SNED1: variants seen among roughly 807,000 people sequenced by gnomAD.
SNED1 encodes the protein sushi, nidogen and EGF like domains 1.
A neutral mutation model predicts 166.7 loss-of-function variants in SNED1; 81 were observed. The observed-to-expected ratio is 0.49, with a 90% confidence interval of 0.41 to 0.58. The LOEUF (loss-of-function observed/expected upper bound fraction) is 0.58. Ranked by LOEUF, SNED1 falls within the 20% of genes least tolerant of loss-of-function variation. The pLI, the probability that SNED1 is intolerant of heterozygous loss-of-function variation, is 0.00. For synonymous variants in SNED1, 762 were observed against 822.0 expected (o/e 0.93, Z 1.25); for missense variants, 1,604 against 2,000.2 (o/e 0.80, Z 3.78).
chr2:241,037,361 G>C lies in SNED1; in HGVS notation c.1045+8G>C. On this transcript the variant is annotated splice_region_variant and intron_variant, in intron 6 of 31. Coordinates refer to ENST00000310397, the MANE Select transcript of SNED1 (RefSeq NM_001080437.3). ...GACCCACCTGTGAGACAGGTAAGAG[G>C]AACCCACCGGGGCCCACGGGGCCCT... The C allele has an allele frequency of 6.3e-7, 1 of 1,586,978 alleles. No homozygotes were observed. Among genetic ancestry groups the C allele is most frequent in the Non-Finnish European group, 8.6e-7 (1 of 1,162,774 alleles).
intron 1 of SNED1, among the ~76,000 whole-genome samples, chr2:241,017,636 C>T (rs1367662849): frequency 2.0e-5 from 3 of 152,240 alleles, no homozygotes; most frequent in African/African-American, 7.2e-5. Flanking sequence ...CTTGGCCAAA[C>T]TCAAATGTTC....
rs200538396 is a variant in SNED1 at position 241,036,849 on chromosome 2, G to C, written c.865G>C (p.Val289Leu). 3 of 1,611,654 alleles carry C rather than the reference G, an allele frequency of 1.9e-6. No homozygotes were observed. Among genetic ancestry groups the C allele is most frequent in the African/African-American group, 1.3e-5 (1 of 75,038 alleles). ...LNGGKCIDDC[V>L]TGNPSYTCSC... ...CGGCGGCAAGTGCATCGACGACTGC[G>C]TCACGGGCAACCCCTCCTACACCTG... is the stretch of plus-strand genomic sequence containing the variant. Residue 289 changes from valine (V) to leucine (L), a missense_variant, in exon 5 of 32, where the codon GTC becomes CTC. Val to Leu is a conservative substitution (Grantham distance 32, BLOSUM62 1). Around this residue, in one of 2 missense-constraint regions of SNED1, gnomAD observed 1,237 missense variants for 1,620.8 expected, o/e 0.76. Transcript: ENST00000310397.
chr2:241,087,370 C>T, intron 29 of SNED1, 22 bp from the exon 30 acceptor site: 1 of 1,575,612 alleles, frequency 6.3e-7, no homozygotes, highest in East Asian at 2.3e-5. Flanking sequence ...TCTGGTTTTA[C>T]AAAGCTTTCT....
At chr2:241,088,950 C>T (rs1484846093) in intron 31 of SNED1, 2 of 222,344 alleles carry the variant, frequency 9.0e-6, no homozygotes, top group Non-Finnish European at 1.8e-5. Context: ...GCTAGAAAGT[C>T]GTCACTGACA....
In SNED1 at chr2:240,999,098, C is replaced by G; in HGVS notation, c.213+48C>G. The G allele has an allele frequency of 8.8e-7, 1 of 1,131,982 alleles. No individual in the cohort carries two copies. 70.1% of individuals were successfully genotyped at this position (1,131,982 alleles called of 1,614,324 possible). ...GGGCGCCCGGGAGGGGAGGGAGCTG[C>G]GCCCCGGCCGCTGCCCGCCGGGCCC... On this transcript the variant is annotated intron_variant, in intron 1 of 31. Coordinates refer to ENST00000310397, the MANE Select transcript of SNED1 (RefSeq NM_001080437.3). The surrounding 1 kb of genome is among the most constrained non-coding windows in gnomAD (Gnocchi z 5.8).
At position 241,092,056 on chromosome 2, in the gene SNED1, C is replaced by A. The variant is rs1351453510; in HGVS notation, c.*420C>A. ...AGAGAAAGAATTCTCCCTTCGAGGC[C>A]CAACAAATTGAGAAGGAACTGTGAT... On this transcript the variant is annotated 3_prime_UTR_variant, in exon 32 of 32. Transcript: ENST00000310397. This position sits in a 1 kb window ranked among gnomAD's most constrained non-coding sequence, Gnocchi z 4.6. 1 of 152,224 alleles carries A rather than the reference C, an allele frequency of 6.6e-6. No homozygotes were observed. The highest frequency in any genetic ancestry group is 2.4e-5 in the African/African-American group (1 of 41,426). 9.4% of individuals were successfully genotyped at this position (152,224 alleles called of 1,614,324 possible).
At chr2:241,072,745 C>T (rs1350124460) in intron 26 of SNED1, 1 of 193,600 alleles carries the variant, frequency 5.2e-6, no homozygotes, top group African/African-American at 2.4e-5. Flanking sequence ...ATCTGGAGTA[C>T]AGAGGGGGGC....
chr2:240,999,948 G>A lies in SNED1; in HGVS notation c.213+898G>A, dbSNP rs565513139. ...CTCAAGTAGAGTCCCCTCCAGCTCC[G>A]TCACCACGGCCACCTCCACCATCAG... is the stretch of plus-strand genomic sequence containing the variant. On this transcript the variant is annotated intron_variant, in intron 1 of 31. Transcript: ENST00000310397. The surrounding 1 kb of genome is among the most constrained non-coding windows in gnomAD (Gnocchi z 5.8). Among the ~76,000 whole-genome samples the A allele has an allele frequency of 2.8e-4, 42 of 152,208 alleles. No individual in the cohort carries two copies. Among genetic ancestry groups the A allele is most frequent in the African/African-American group, 7.9e-4 (33 of 41,528 alleles).
At chr2:241,003,491 T>C (rs114892754) in intron 1 of SNED1, among the ~76,000 whole-genome samples, 2,613 of 152,340 alleles carry the variant, frequency 0.017, 84 homozygotes, top group African/African-American at 0.06. Context: ...CTGCACCGTG[T>C]GTTCCCCAAA....
chr2:241,039,981 G>A (rs2061478748), intron 6 of SNED1, 94 bp from the exon 7 acceptor site: 3 of 994,606 alleles, frequency 3.0e-6, no homozygotes, highest in African/African-American at 3.2e-5. Flanking sequence ...TAAGCCAGTT[G>A]GGGGTGGGGC....
intron 4 of SNED1, among the ~76,000 whole-genome samples, chr2:241,035,294 G>A (rs1033489714): frequency 2.0e-5 from 3 of 152,114 alleles, no homozygotes; most frequent in Non-Finnish European, 2.9e-5. Flanking sequence ...CAAGCATCAC[G>A]TCTACAGGGG....
intron 29 of SNED1, among the ~76,000 whole-genome samples, chr2:241,084,511 A>G (rs2063489091): frequency 6.6e-6 from 1 of 152,160 alleles, no homozygotes; most frequent in Admixed American, 6.5e-5. Flanking sequence ...ACCTTTAATC[A>G]CTAGTAGACA....
intron 1 of SNED1, among the ~76,000 whole-genome samples, chr2:241,022,713 T>G (rs1402571714): frequency 1.3e-5 from 2 of 152,254 alleles, no homozygotes; most frequent in Non-Finnish European, 2.9e-5. Flanking sequence ...TGGTGGCCTT[T>G]GTCCTTCCTC....
At position 241,063,674 on chromosome 2, in the gene SNED1, G is replaced by T; in HGVS notation, c.2459G>T (p.Gly820Val). 6.2e-7 allele frequency: 1 copy of T among 1,611,128 alleles called. No homozygotes were observed. Among genetic ancestry groups the T allele is most frequent in the Non-Finnish European group, 8.5e-7 (1 of 1,178,590 alleles). Residue 820 changes from glycine to valine, a missense_variant, in exon 18 of 32, where the codon GGC becomes GTC. Gly to Val is a moderately radical substitution (Grantham distance 109). Coordinates refer to ENST00000310397, the MANE Select transcript of SNED1 (RefSeq NM_001080437.3). ...GCCTATGTCTGCCGGTGCCCTGCAGGCTTCGTTGGAGTCCACTGTGAGACA... is the reference window on the plus strand; with the variant it reads ...GCCTATGTCTGCCGGTGCCCTGCAGTCTTCGTTGGAGTCCACTGTGAGACA... ...PGAYVCRCPA[G>V]FVGVHCETEV...
At chr2:241,088,342 C>T (rs201432782) in intron 30 of SNED1, 23 bp from the exon 31 acceptor site, 13 of 1,583,792 alleles carry the variant, frequency 8.2e-6, no homozygotes, top group East Asian at 2.2e-5. Flanking sequence ...TTTCATTAAA[C>T]GACTTTTCTC....
chr2:241,021,894 T>C (rs774231618), intron 1 of SNED1, among the ~76,000 whole-genome samples: 1 of 152,240 alleles, frequency 6.6e-6, no homozygotes, highest in Non-Finnish European at 1.5e-5. Flanking sequence ...CCACTAGCAA[T>C]GTATGAGGGT....
chr2:241,034,018 C>A, intron 3 of SNED1, 143 bp downstream of exon 3: 1 of 1,062,788 alleles, frequency 9.4e-7, no homozygotes, highest in South Asian at 1.7e-5. Context: ...CATCCACAAC[C>A]ATCCCTGAGG....
intron 26 of SNED1, chr2:241,072,676 C>T (rs1575067364): frequency 4.9e-6 from 1 of 206,008 alleles, no homozygotes; most frequent in East Asian, 1.4e-4. Context: ...GAGCCCCCAG[C>T]AAGGTGTCTG....
At chr2:241,005,152 T>A (rs923843628) in intron 1 of SNED1, among the ~76,000 whole-genome samples, 4 of 152,084 alleles carry the variant, frequency 2.6e-5, no homozygotes, top group African/African-American at 4.8e-5. Context: ...TTTCTTTTTT[T>A]AAAAAATTTT....
Sources: gnomAD v4.1 joint callset for allele counts (sites outside exome capture counted in the v4.1 genomes callset) on GRCh38, gnomAD v4.1.1 for gene constraint, gnomAD v4.1.1 regional missense constraint, Gnocchi (gnomAD v3.1) non-coding constraint, MANE v1.5 for transcripts, NCBI Gene and HGNC (gene_info 2026-07-23, HGNC 2026-07-21) for gene names.